Variants in ERBB4 observed in about 807,000 individuals in gnomAD.
ERBB4 encodes receptor tyrosine-protein kinase erbB-4.
In ERBB4, 42 loss-of-function variants were observed where a neutral mutation model predicts 158.0. That is an observed-to-expected ratio of 0.27 (90% CI 0.21 to 0.34). The LOEUF (loss-of-function observed/expected upper bound fraction) is 0.34. Ranked by LOEUF, ERBB4 falls within the 10% of genes least tolerant of loss-of-function variation. ERBB4 has a pLI of 1.00. For synonymous variants in ERBB4, 583 were observed against 558.7 expected (o/e 1.04, Z -0.61); for missense variants, 1,333 against 1,624.1 (o/e 0.82, Z 3.08).
chr2:212,369,776 T>C (rs1422262328), intron 1 of ERBB4, among the ~76,000 whole-genome samples: 1 of 152,162 alleles, frequency 6.6e-6, no homozygotes, highest in East Asian at 1.9e-4. Context: ...CAAAGCAGCC[T>C]GGAAATTGTG....
At chr2:211,599,536 T>TGTGTGTGTGTGTGTGTG (rs1559336933) in intron 19 of ERBB4, among the ~76,000 whole-genome samples, 7 of 150,376 alleles carry the variant, frequency 4.7e-5, no homozygotes, top group Non-Finnish European at 5.9e-5. Flanking sequence ...TGTGTGTGTG[T>TGTGTGTGTGTGTGTGTG]TTCCTGTCAA....
intron 1 of ERBB4, among the ~76,000 whole-genome samples, chr2:212,286,939 G>A (rs1052252366): frequency 1.4e-4 from 21 of 150,992 alleles, no homozygotes; most frequent in Admixed American, 5.9e-4. Flanking sequence ...ATCCTAAAGC[G>A]CAAGAGGCAC....
chr2:212,007,055 A>T (rs549453450), intron 2 of ERBB4, among the ~76,000 whole-genome samples: 4 of 152,142 alleles, frequency 2.6e-5, no homozygotes, highest in East Asian at 1.9e-4. Context: ...AATAGTAAAA[A>T]TGGTAATGAT....
intron 17 of ERBB4, 107 bp downstream of exon 17, chr2:211,630,355 G>T: frequency 7.8e-7 from 1 of 1,282,230 alleles, no homozygotes; most frequent in South Asian, 1.3e-5. Flanking sequence ...AACTTAATTA[G>T]GACACTGAAC....
At chr2:212,249,936 G>A (rs1391172002) in intron 1 of ERBB4, among the ~76,000 whole-genome samples, 1 of 151,978 alleles carries the variant, frequency 6.6e-6, no homozygotes. Context: ...ATTGGCAAGG[G>A]AACCAAAATC....
chr2:211,838,105 G>T (rs557017003), intron 3 of ERBB4, among the ~76,000 whole-genome samples: 161 of 152,166 alleles, frequency 1.1e-3, no homozygotes, highest in Non-Finnish European at 1.1e-3. Flanking sequence ...CCAGAGTGCG[G>T]AGAATCAACA....
intron 15 of ERBB4, among the ~76,000 whole-genome samples, chr2:211,658,608 C>T (rs1410887130): frequency 6.6e-6 from 1 of 152,100 alleles, no homozygotes; most frequent in African/African-American, 2.4e-5. Context: ...CTGGTTTCAC[C>T]ATACTGCAGT....
intron 1 of ERBB4, among the ~76,000 whole-genome samples, chr2:212,513,208 C>T (rs1247630739): frequency 6.6e-6 from 1 of 152,088 alleles, no homozygotes; most frequent in Non-Finnish European, 1.5e-5. Flanking sequence ...GATGCCTTTA[C>T]TGGTATGGAA....
At chr2:211,968,952 A>G (rs1439232) in intron 2 of ERBB4, among the ~76,000 whole-genome samples, 33,135 of 151,906 alleles carry the variant, frequency 0.22, 3,829 homozygotes, top group East Asian at 0.39. Context: ...AATTCAAATT[A>G]GTAATGTACA....
chr2:212,509,351 T>C (rs1236093700), intron 1 of ERBB4, among the ~76,000 whole-genome samples: 1 of 152,064 alleles, frequency 6.6e-6, no homozygotes, highest in African/African-American at 2.4e-5. Flanking sequence ...TTTCATAAGA[T>C]TGCTTTCGTA....
At chr2:211,428,125 T>C (rs941032967) in intron 22 of ERBB4, among the ~76,000 whole-genome samples, 1 of 151,716 alleles carries the variant, frequency 6.6e-6, no homozygotes, top group Non-Finnish European at 1.5e-5. Context: ...AAAACCTAGA[T>C]GACGGGTTGA....
At chr2:211,953,885 C>T (rs1007777164) in intron 2 of ERBB4, among the ~76,000 whole-genome samples, 4 of 151,856 alleles carry the variant, frequency 2.6e-5, no homozygotes, top group Admixed American at 2.0e-4. Flanking sequence ...AAAATGACAA[C>T]AAATTTTATA....
intron 2 of ERBB4, among the ~76,000 whole-genome samples, chr2:212,007,181 A>G (rs1294196012): frequency 6.6e-6 from 1 of 151,972 alleles, no homozygotes; most frequent in Non-Finnish European, 1.5e-5. Context: ...AGAAGTTAAC[A>G]AAAGTGGGGT....
At chr2:212,418,187 A>C (rs1406517794) in intron 1 of ERBB4, among the ~76,000 whole-genome samples, 1 of 151,982 alleles carries the variant, frequency 6.6e-6, no homozygotes, top group Non-Finnish European at 1.5e-5. Context: ...AGACCAAGAC[A>C]GTACTCCAGA....
At chr2:212,245,625 A>T (rs1474903120) in intron 1 of ERBB4, among the ~76,000 whole-genome samples, 2 of 152,042 alleles carry the variant, frequency 1.3e-5, no homozygotes, top group Non-Finnish European at 2.9e-5. Flanking sequence ...ATCACAAATG[A>T]TTTTCCCATT....
At chr2:211,418,083 TA>T (rs1224934598) in intron 25 of ERBB4, among the ~76,000 whole-genome samples, 29 of 117,982 alleles carry the variant, frequency 2.5e-4, no homozygotes, top group Middle Eastern at 8.1e-3. Flanking sequence ...CAAAATGCAT[TA>T]TTTTTTTTTT....
chr2:211,524,250 A>C (rs1365911256), intron 20 of ERBB4, among the ~76,000 whole-genome samples: 1 of 152,162 alleles, frequency 6.6e-6, no homozygotes, highest in African/African-American at 2.4e-5. Flanking sequence ...GTGTGTTTAC[A>C]ATTCCTGAGC....
intron 1 of ERBB4, among the ~76,000 whole-genome samples, chr2:212,179,086 A>G (rs934702933): frequency 2.0e-4 from 31 of 151,648 alleles, no homozygotes; most frequent in African/African-American, 7.0e-4. Flanking sequence ...ACTAAACATC[A>G]TATTTGATTT....
At chr2:212,160,957 A>G (rs1030268711) in intron 1 of ERBB4, among the ~76,000 whole-genome samples, 2 of 152,036 alleles carry the variant, frequency 1.3e-5, no homozygotes, top group African/African-American at 4.8e-5. Flanking sequence ...AAATTGCCAA[A>G]GAAGCACTGC....
Sources: gnomAD v4.1 joint callset for allele counts (sites outside exome capture counted in the v4.1 genomes callset) on GRCh38, gnomAD v4.1.1 for gene constraint, MANE v1.5 for transcripts, NCBI Gene and HGNC (gene_info 2026-07-23, HGNC 2026-07-21) for gene names.